The following NPAS3 variants were observed in gnomAD, a reference collection of about 807,000 sequenced individuals.
NPAS3 encodes neuronal PAS domain-containing protein 3.
Under a neutral mutation model 73.1 loss-of-function variants are expected in NPAS3, and 14 were observed. The observed-to-expected ratio is 0.19, with a 90% CI of 0.13 to 0.30. The LOEUF is 0.30. Ranked by LOEUF, NPAS3 falls within the 10% of genes least tolerant of loss-of-function variation. The pLI, the probability that NPAS3 is intolerant of heterozygous loss-of-function variation, is 1.00. For missense variants in NPAS3, 1,096 were observed against 1,250.0 expected, an observed-to-expected ratio of 0.88 and a Z score of 1.86; for synonymous variants, 620 against 541.5, an observed-to-expected ratio of 1.14 and a Z score of -2.01.
chr14:33,130,908 C>T (rs2043612419), intron 2 of NPAS3, among the ~76,000 whole-genome samples: 1 of 152,100 alleles, frequency 6.6e-6, no homozygotes, highest in South Asian at 2.1e-4. Flanking sequence ...TTATAAGAAA[C>T]CTTCAATTTT....
intron 1 of NPAS3, among the ~76,000 whole-genome samples, chr14:32,978,107 AGAT>A (rs2037758869): frequency 7.2e-6 from 1 of 139,662 alleles, no homozygotes; most frequent in Non-Finnish European, 1.5e-5. Context: ...GAGGAAGTGA[AGAT>A]GTGGGGGGGT....
At chr14:33,212,647 A>G (rs1025504818) in intron 2 of NPAS3, among the ~76,000 whole-genome samples, 2 of 152,110 alleles carry the variant, frequency 1.3e-5, no homozygotes, top group African/African-American at 4.8e-5. Context: ...GATCCCTGTG[A>G]TCTTGGGCTT....
Position 33,494,931 on chromosome 14 carries a change from CAG to C in NPAS3, c.469-65187_469-65186del, listed in dbSNP as rs2052095709. 3.9e-5 allele frequency among the ~76,000 whole-genome samples: 6 copies of C among 152,190 alleles called. No homozygotes were observed. The South Asian group carries it at 1.2e-3, about 32-fold the overall frequency. On this transcript the variant is annotated intron_variant, in intron 4 of 11. Transcript: ENST00000356141. ...CAATCACTGAGCCATGCACAACCCG[CAG>C]AGTCTCAGTTGGGATTTTTCTTTAA...
chr14:33,120,691 C>T (rs950118607), intron 2 of NPAS3, among the ~76,000 whole-genome samples: 1 of 152,054 alleles, frequency 6.6e-6, no homozygotes, highest in Non-Finnish European at 1.5e-5. Flanking sequence ...TCCTCCTTCT[C>T]AAGAGATACT....
At chr14:33,589,352 A>G (rs1170605118) in intron 5 of NPAS3, among the ~76,000 whole-genome samples, 1 of 152,216 alleles carries the variant, frequency 6.6e-6, no homozygotes, top group Non-Finnish European at 1.5e-5. Flanking sequence ...AACAATCAAT[A>G]TAAGAAGCTA....
intron 3 of NPAS3, among the ~76,000 whole-genome samples, chr14:33,240,695 A>G (rs187318925): frequency 1.7e-4 from 26 of 151,854 alleles, no homozygotes; most frequent in Admixed American, 1.4e-3. Context: ...CATTATTGCC[A>G]TTATTTTGAA....
Position 33,800,981 on chromosome 14 carries a change from G to C in NPAS3, c.2674G>C (p.Ala892Pro). The C allele has an allele frequency of 1.3e-6, 2 of 1,591,676 alleles. No individual in the cohort carries two copies. Among genetic ancestry groups the C allele is most frequent in the Non-Finnish European group, 1.7e-6 (2 of 1,169,860 alleles). ...ACCGTTCGGCGGCGCAGTGAGCGCAGCTAGCCTGACGCAGATGCCCGCCGG... is the reference window on the plus strand; with the variant it reads ...ACCGTTCGGCGGCGCAGTGAGCGCACCTAGCCTGACGCAGATGCCCGCCGG... The change falls in exon 12 of 12, where the codon GCT becomes CCT. Residue 892 changes from alanine to proline, a missense_variant. Around this residue, in one of 5 missense-constraint regions of NPAS3, gnomAD observed 698 missense variants for 676.7 expected, o/e 1.03. Transcript: ENST00000356141. This position sits in a 1 kb window ranked among gnomAD's most constrained non-coding sequence, Gnocchi z 6.5.
intron 9 of NPAS3, among the ~76,000 whole-genome samples, chr14:33,789,677 C>T (rs1057117694): frequency 7.1e-6 from 1 of 141,112 alleles, no homozygotes; most frequent in Non-Finnish European, 1.5e-5. Context: ...CAAGCTCCGC[C>T]TCCCGGGTTC....
intron 1 of NPAS3, among the ~76,000 whole-genome samples, chr14:33,015,196 A>G (rs999612731): frequency 1.3e-5 from 2 of 152,200 alleles, no homozygotes; most frequent in Admixed American, 1.3e-4. Context: ...ATGTATCTCT[A>G]AAGTTCTGGA....
chr14:33,381,062 A>G (rs1207796051), intron 4 of NPAS3, among the ~76,000 whole-genome samples: 2 of 152,160 alleles, frequency 1.3e-5, no homozygotes, highest in African/African-American at 2.4e-5. Flanking sequence ...GCAAATGATA[A>G]TATCAATGAC....
At chr14:33,797,388 G>A in intron 10 of NPAS3, 69 bp from the exon 11 acceptor site, 3 of 1,541,980 alleles carry the variant, frequency 1.9e-6, no homozygotes, top group Non-Finnish European at 2.7e-6. Context: ...AGAAGTGGGG[G>A]AGAAGATGGT....
chr14:33,675,252 A>G (rs1403100404), intron 5 of NPAS3, among the ~76,000 whole-genome samples: 4 of 152,174 alleles, frequency 2.6e-5, no homozygotes, highest in Non-Finnish European at 5.9e-5. Context: ...CATTACCACT[A>G]TTCTTAGGAG....
chr14:33,279,829 A>G (rs77977019), intron 3 of NPAS3, among the ~76,000 whole-genome samples: 1 of 152,314 alleles, frequency 6.6e-6, no homozygotes, highest in East Asian at 1.9e-4. Context: ...CCAAAATAGC[A>G]GGTTGAATCG....
chr14:33,383,030 T>C (rs2046623223), intron 4 of NPAS3, among the ~76,000 whole-genome samples: 1 of 144,942 alleles, frequency 6.9e-6, no homozygotes, highest in Non-Finnish European at 1.5e-5. Flanking sequence ...GAGGCTGTAG[T>C]GAGCCGTGTT....
intron 1 of NPAS3, among the ~76,000 whole-genome samples, chr14:33,036,381 A>G (rs1395776917): frequency 1.3e-5 from 2 of 152,182 alleles, no homozygotes; most frequent in African/African-American, 4.8e-5. Context: ...ACCAATAAGG[A>G]ACAAGGAATG....
chr14:33,632,432 GACA>G (rs1300674030), intron 5 of NPAS3, among the ~76,000 whole-genome samples: 11 of 152,164 alleles, frequency 7.2e-5, no homozygotes, highest in Non-Finnish European at 1.3e-4. Context: ...TTAATTAACA[GACA>G]CTCAGAGCAC....
At chr14:33,325,452 C>A (rs761214869) in intron 3 of NPAS3, among the ~76,000 whole-genome samples, 2 of 152,000 alleles carry the variant, frequency 1.3e-5, no homozygotes, top group African/African-American at 4.8e-5. Flanking sequence ...TCGAGGCCAG[C>A]CTGGCCAACA....
Position 33,666,631 on chromosome 14 carries a change from C to T in NPAS3, c.559-9580C>T, listed in dbSNP as rs78374063. Among the ~76,000 whole-genome samples the T allele has an allele frequency of 7.2e-3, 1,102 of 152,330 alleles. 12 individuals are homozygous for T. Among genetic ancestry groups the T allele is most frequent in the African/African-American group, 0.025 (1,045 of 41,572 alleles). Reference sequence around the variant, plus strand: ...CTTGTCAAAAATTATTCATCTACTACATTGTGTTGTCATATTTTTTTTCAT... The same window carrying T: ...CTTGTCAAAAATTATTCATCTACTATATTGTGTTGTCATATTTTTTTTCAT... On this transcript the variant is annotated intron_variant, in intron 5 of 11. Transcript: ENST00000356141.
rs573908768 is a variant in NPAS3 at position 33,494,158 on chromosome 14, C to T, written c.469-65963C>T. On this transcript the variant is annotated intron_variant, in intron 4 of 11. Coordinates refer to ENST00000356141, the Ensembl canonical transcript of NPAS3. The stretch of plus-strand genomic sequence containing the variant: ...TCAGCTGAGCTCTCTGTTTCTCCAG[C>T]GTGCCCTGGAGCCCAGCTCGGTGCC... Among the ~76,000 whole-genome samples the T allele has an allele frequency of 4.6e-5, 7 of 152,214 alleles. 1 individual carries two copies. The highest frequency in any genetic ancestry group is 6.8e-3 in the Middle Eastern group (2 of 294).
Sources: gnomAD v4.1 joint callset for allele counts (sites outside exome capture counted in the v4.1 genomes callset) on GRCh38, gnomAD v4.1.1 for gene constraint, gnomAD v4.1.1 regional missense constraint, Gnocchi (gnomAD v3.1) non-coding constraint, MANE v1.5 for transcripts, NCBI Gene and HGNC (gene_info 2026-07-23, HGNC 2026-07-21) for gene names.